Variants in SLC28A3 observed in about 807,000 individuals in gnomAD.
SLC28A3 encodes solute carrier family 28 member 3.
A neutral mutation model predicts 84.2 loss-of-function variants in SLC28A3; 68 were observed. The ratio of observed to expected loss-of-function variants is 0.81; its 90% CI spans 0.66 to 0.99. SLC28A3 has a LOEUF of 0.99. Among genes scored for constraint, SLC28A3 ranks in the 50% least tolerant of loss-of-function variants. The pLI, the probability that SLC28A3 is intolerant of heterozygous loss-of-function variation, is 0.00. For synonymous variants in SLC28A3, 267 were observed against 303.6 expected (o/e 0.88, Z 1.25); for missense variants, 712 against 841.5 (o/e 0.85, Z 1.90).
chr9:84,309,532 A>G lies in SLC28A3; in HGVS notation c.242+97T>C, dbSNP rs547522386. On this transcript the variant is annotated intron_variant, in intron 3 of 17. Coordinates refer to ENST00000376238, the MANE Select transcript of SLC28A3 (RefSeq NM_001199633.2). ...AGTGAGACTCTTATCTCAAAAAAAA[A>G]AAAAAAAAAAAAAAAAGAAATCAAA... is the stretch of plus-strand genomic sequence containing the variant. The G allele has an allele frequency of 6.4e-5, 45 of 698,190 alleles. No homozygotes were observed. In the Middle Eastern group the frequency reaches 1.9e-3, roughly 29 times the overall value. 43.2% of individuals were successfully genotyped at this position (698,190 alleles called of 1,614,324 possible).
the SLC28A3 span, among the ~76,000 whole-genome samples, chr9:84,351,991 G>C: frequency 1.2e-3 from 177 of 151,816 alleles, no homozygotes; most frequent in Non-Finnish European, 2.2e-3. Flanking sequence ...CATTATTCTT[G>C]GATCTTTTCT....
chr9:84,279,944 G>A (rs1426941256), intron 16 of SLC28A3, 31 bp downstream of exon 16: 2 of 1,604,776 alleles, frequency 1.2e-6, no homozygotes, highest in East Asian at 2.2e-5. Context: ...CATCCTGTGG[G>A]CACTGGGACA....
intron 1 of SLC28A3, among the ~76,000 whole-genome samples, chr9:84,314,752 C>T (rs1826108035): frequency 6.6e-6 from 1 of 152,188 alleles, no homozygotes; most frequent in South Asian, 2.1e-4. Flanking sequence ...TGCATTAGCA[C>T]AGCAATGTAG....
upstream of SLC28A3, among the ~76,000 whole-genome samples, chr9:84,344,340 C>G (rs1344301229): frequency 6.6e-6 from 1 of 151,862 alleles, no homozygotes; most frequent in African/African-American, 2.4e-5. Flanking sequence ...AGGCGTGTGC[C>G]ACCATGCCTG....
chr9:84,278,128 A>G lies in SLC28A3; in HGVS notation c.*90T>C. ...AGCTGATTCCATTATGGAAGCATCA[A>G]TCTGTGGACAATAGCTTCTTTTTTT... is the stretch of plus-strand genomic sequence containing the variant. On this transcript the variant is annotated 3_prime_UTR_variant, in exon 18 of 18. Coordinates refer to ENST00000376238, the MANE Select transcript of SLC28A3 (RefSeq NM_001199633.2). 6.8e-7 allele frequency: 1 copy of G among 1,472,596 alleles called. No homozygotes were observed. Among genetic ancestry groups the G allele is most frequent in the Non-Finnish European group, 9.1e-7 (1 of 1,094,702 alleles). 91.2% of individuals were successfully genotyped at this position (1,472,596 alleles called of 1,614,324 possible). A position where few individuals can be genotyped will look rare whatever the true frequency, so the allele number is the denominator to read the frequency against.
At chr9:84,287,596 A>G (rs1414698187) in intron 12 of SLC28A3, among the ~76,000 whole-genome samples, 1 of 152,010 alleles carries the variant, frequency 6.6e-6, no homozygotes, top group Non-Finnish European at 1.5e-5. Flanking sequence ...ATTAAACAAG[A>G]TTTTGGCCAG....
chr9:84,318,034 T>C (rs1463949864), intron 1 of SLC28A3, among the ~76,000 whole-genome samples: 1 of 152,366 alleles, frequency 6.6e-6, no homozygotes, highest in East Asian at 1.9e-4. Context: ...GCATGGATTT[T>C]GCCTAGGAAT....
At chr9:84,290,383 C>A (rs1825167191) in intron 10 of SLC28A3, 104 bp from the exon 11 acceptor site, 1 of 1,428,792 alleles carries the variant, frequency 7.0e-7, no homozygotes, top group African/African-American at 1.4e-5. Context: ...CAGACAGTTT[C>A]TAAGAGTGAA....
Position 84,285,408 on chromosome 9 carries a change from T to A in SLC28A3, c.1584A>T (p.Lys528Asn). Residue 528 changes from lysine to asparagine, a missense_variant, in exon 14 of 18, where the codon AAA (lysine) becomes AAT (asparagine). Transcript: ENST00000376238. The part of the protein sequence containing the change: ...NEFVAYEHLS[K>N]WIHLRKEGGP... The stretch of plus-strand genomic sequence containing the variant: ...CACCTTCTTTCCTCAAGTGGATCCA[T>A]TTTGAGAGGTGCTCATAAGCCACAA... 6.2e-7 allele frequency: 1 copy of A among 1,614,134 alleles called. No individual in the cohort carries two copies. The highest frequency in any genetic ancestry group is 8.5e-7 in the Non-Finnish European group (1 of 1,180,004).
chr9:84,330,344 G>A (rs568793594), intron 1 of SLC28A3, among the ~76,000 whole-genome samples: 2 of 152,318 alleles, frequency 1.3e-5, no homozygotes, highest in South Asian at 4.1e-4. Context: ...TAAATGTAAA[G>A]TTGTTACTTT....
intron 1 of SLC28A3, among the ~76,000 whole-genome samples, chr9:84,328,530 G>C (rs1029409262): frequency 2.6e-5 from 4 of 151,900 alleles, no homozygotes; most frequent in Admixed American, 6.6e-5. Context: ...AGGCTGAGGC[G>C]GGTGGATCAC....
chr9:84,364,215 G>A, the SLC28A3 span, among the ~76,000 whole-genome samples: 2 of 141,430 alleles, frequency 1.4e-5, no homozygotes. Flanking sequence ...ACCTCTGCTT[G>A]CCAGGTTCAA....
chr9:84,340,741 C>A lies in SLC28A3; in HGVS notation c.-108G>T. Reference sequence around the variant, plus strand: ...CCACCTGCTGTTACAGGGACCTGGGCACAGCTTGCTTCAGTTTGGAAACTT... The same window carrying A: ...CCACCTGCTGTTACAGGGACCTGGGAACAGCTTGCTTCAGTTTGGAAACTT... On this transcript the variant is annotated 5_prime_UTR_variant, in exon 1 of 18. Transcript: ENST00000376238. 1 of 1,259,048 alleles carries A rather than the reference C, an allele frequency of 7.9e-7. No individual in the cohort carries two copies. Among genetic ancestry groups the A allele is most frequent in the Middle Eastern group, 2.4e-4 (1 of 4,166 alleles). 78.0% of individuals were successfully genotyped at this position (1,259,048 alleles called of 1,614,324 possible). A position where few individuals can be genotyped will look rare whatever the true frequency, so the allele number is the denominator to read the frequency against.
At chr9:84,300,751 A>G (rs1020287134) in intron 5 of SLC28A3, among the ~76,000 whole-genome samples, 8 of 152,130 alleles carry the variant, frequency 5.3e-5, no homozygotes, top group Non-Finnish European at 1.2e-4. Context: ...ACAGGGTCCT[A>G]TGGGAAAGGG....
chr9:84,299,491 T>G, intron 6 of SLC28A3, 90 bp downstream of exon 6: 1 of 1,525,190 alleles, frequency 6.6e-7, no homozygotes. Context: ...TACTGAACAA[T>G]AGTTAAATTC....
In SLC28A3 at chr9:84,297,305, TAAAG is replaced by T. The variant is rs1482889263; in HGVS notation, c.784-11_784-8del. The T allele has an allele frequency of 1.2e-6, 2 of 1,607,204 alleles. No homozygotes were observed. The highest frequency in any genetic ancestry group is 1.7e-6 in the Non-Finnish European group (2 of 1,177,328). ...CTGTGTACTCCAGAAAAGTCTGAGT[TAAAG>T]AAAGAAAAAGAGATTTCATTCCAAC... On this transcript the variant is annotated splice_region_variant and splice_polypyrimidine_tract_variant and intron_variant, in intron 7 of 17. Transcript: ENST00000376238.
At position 84,278,361 on chromosome 9, in the gene SLC28A3, A is replaced by G; in HGVS notation, c.1950-17T>C. 1.2e-6 allele frequency: 2 copies of G among 1,613,770 alleles called. No homozygotes were observed. Among genetic ancestry groups the G allele is most frequent in the South Asian group, 1.1e-5 (1 of 91,036 alleles). ...GCAACAGTGCTGGTGGAAAGTGGAA[A>G]GAAACAGTTACATGAGCCATAGATG... is the stretch of plus-strand genomic sequence containing the variant. On this transcript the variant is annotated splice_polypyrimidine_tract_variant and intron_variant, in intron 17 of 17. Coordinates refer to ENST00000376238, the MANE Select transcript of SLC28A3 (RefSeq NM_001199633.2).
chr9:84,327,172 T>C (rs1826594410), intron 1 of SLC28A3, among the ~76,000 whole-genome samples: 1 of 152,112 alleles, frequency 6.6e-6, no homozygotes, highest in South Asian at 2.1e-4. Flanking sequence ...CTTTCCTTTT[T>C]CTGTGACCAT....
At chr9:84,348,535 C>T in the SLC28A3 span, among the ~76,000 whole-genome samples, 1 of 152,156 alleles carries the variant, frequency 6.6e-6, no homozygotes, top group Non-Finnish European at 1.5e-5. Flanking sequence ...TGAGGATAAA[C>T]TGAGGTGCCA....
Sources: allele counts gnomAD v4.1 joint callset (sites outside exome capture counted in the v4.1 genomes callset), GRCh38; gene constraint gnomAD v4.1.1; transcripts MANE v1.5; gene names NCBI Gene and HGNC (gene_info 2026-07-23, HGNC 2026-07-21).